DPP6: variants seen among roughly 807,000 people sequenced by gnomAD.
The protein encoded by DPP6 is dipeptidyl peptidase like 6, also known as A-type potassium channel modulatory protein DPP6.
DPP6 carries 69 observed loss-of-function variants against 122.6 expected under a neutral mutation model. That is an observed-to-expected ratio of 0.56 (90% confidence interval 0.46 to 0.69). The LOEUF (loss-of-function observed/expected upper bound fraction) is 0.69. Among genes scored for constraint, DPP6 ranks in the 30% least tolerant of loss-of-function variants. The pLI, the probability that DPP6 is intolerant of heterozygous loss-of-function variation, is 0.00. For synonymous variants in DPP6, 418 were observed against 433.1 expected (o/e 0.97, Z 0.43); for missense variants, 928 against 1,116.9 (o/e 0.83, Z 2.41).
At chr7:153,865,870 C>T in the DPP6 span, among the ~76,000 whole-genome samples, 76 of 147,836 alleles carry the variant, frequency 5.1e-4, no homozygotes, top group African/African-American at 1.8e-3. Context: ...TTCTCATTCT[C>T]CATTTCCCAC....
intron 1 of DPP6, among the ~76,000 whole-genome samples, chr7:154,107,471 A>G (rs1282758745): frequency 6.6e-6 from 1 of 152,192 alleles, no homozygotes; most frequent in Non-Finnish European, 1.5e-5. Context: ...TTCATTGGAC[A>G]GGAGGCATAA....
intron 16 of DPP6, among the ~76,000 whole-genome samples, chr7:154,825,655 C>A (rs1006220381): frequency 5.3e-5 from 8 of 152,196 alleles, no homozygotes; most frequent in African/African-American, 1.7e-4. Context: ...TTGCGCATGG[C>A]TAGTTAAGAG....
At chr7:153,769,693 C>T in the DPP6 span, among the ~76,000 whole-genome samples, 1 of 152,146 alleles carries the variant, frequency 6.6e-6, no homozygotes, top group Non-Finnish European at 1.5e-5. Flanking sequence ...TTACACCCAA[C>T]TTTAAAACAG....
At chr7:154,426,934 A>T (rs2151243647) in intron 1 of DPP6, among the ~76,000 whole-genome samples, 1 of 152,232 alleles carries the variant, frequency 6.6e-6, no homozygotes, top group South Asian at 2.1e-4. Flanking sequence ...GTTTAGAATA[A>T]TGTGTAAGAG....
intron 1 of DPP6, among the ~76,000 whole-genome samples, chr7:154,057,205 T>C (rs1800902312): frequency 6.6e-6 from 1 of 152,172 alleles, no homozygotes; most frequent in Non-Finnish European, 1.5e-5. Context: ...TGGCAGCAAC[T>C]GCCCAGCTAG....
chr7:154,603,470 C>A lies in DPP6; in HGVS notation c.628-34351C>A, dbSNP rs893783630. ...TCACCTGAGGTCAGGAGTTCGAGAC[C>A]AGCCTGGCCAATGTGGTGAAACCCC... is the stretch of plus-strand genomic sequence containing the variant. On this transcript the variant is annotated intron_variant, in intron 5 of 25. Transcript: ENST00000377770. Among the ~76,000 whole-genome samples the A allele has an allele frequency of 4.5e-4, 52 of 115,402 alleles. 20 individuals carry two copies. The highest frequency in any genetic ancestry group is 7.1e-4 in the Non-Finnish European group (37 of 52,066). The allele number at this position is 115,402 out of a possible 152,430, so 75.7% of individuals were successfully genotyped here.
intron 1 of DPP6, among the ~76,000 whole-genome samples, chr7:154,211,598 C>T (rs760481131): frequency 5.9e-5 from 9 of 152,112 alleles, no homozygotes; most frequent in South Asian, 2.1e-4. Context: ...GGAAGAAATG[C>T]GCATTTATGG....
intron 3 of DPP6, among the ~76,000 whole-genome samples, chr7:154,540,301 G>T (rs970140423): frequency 6.6e-6 from 1 of 152,096 alleles, no homozygotes; most frequent in East Asian, 1.9e-4. Flanking sequence ...AAAGGTTTTC[G>T]GTGTGTGCGC....
the DPP6 span, among the ~76,000 whole-genome samples, chr7:153,786,740 G>GAAAAAAAAAAAAAAAAA: frequency 3.1e-5 from 1 of 31,806 alleles, no homozygotes; most frequent in African/African-American, 1.0e-4. Context: ...CTCCGTCTCA[G>GAAAAAAAAAAAAAAAAA]AAAAAAAAAA....
chr7:154,037,223 G>A (rs1292717103), intron 1 of DPP6, among the ~76,000 whole-genome samples: 1 of 152,160 alleles, frequency 6.6e-6, no homozygotes, highest in Non-Finnish European at 1.5e-5. Context: ...AGCCAGCTTT[G>A]ACCCTGCGAG....
chr7:154,082,151 C>A (rs1306981055), intron 1 of DPP6, among the ~76,000 whole-genome samples: 1 of 152,064 alleles, frequency 6.6e-6, no homozygotes, highest in Non-Finnish European at 1.5e-5. Flanking sequence ...GGAGCCAGTC[C>A]CCCTAGAGAG....
intron 16 of DPP6, among the ~76,000 whole-genome samples, chr7:154,837,198 G>A (rs976872695): frequency 5.4e-5 from 8 of 148,884 alleles, no homozygotes; most frequent in East Asian, 2.0e-4. Flanking sequence ...CATGCATAAC[G>A]CACATTCACA....
At chr7:154,311,225 T>A (rs1390498327) in intron 1 of DPP6, among the ~76,000 whole-genome samples, 2 of 152,202 alleles carry the variant, frequency 1.3e-5, no homozygotes, top group Non-Finnish European at 2.9e-5. Context: ...GGGAGCCGCG[T>A]GCAGTGGCTC....
At chr7:154,567,435 C>T (rs1348455505) in intron 5 of DPP6, among the ~76,000 whole-genome samples, 2 of 152,186 alleles carry the variant, frequency 1.3e-5, no homozygotes, top group African/African-American at 2.4e-5. Flanking sequence ...TCTGTAAAAT[C>T]TCACTGTGTA....
chr7:154,888,736 C>T (rs1206810600), intron 23 of DPP6, among the ~76,000 whole-genome samples: 5 of 152,086 alleles, frequency 3.3e-5, no homozygotes, highest in South Asian at 4.2e-4. Flanking sequence ...TATATTAGTC[C>T]GTTTTCATGC....
At chr7:154,704,898 A>G (rs1207924817) in intron 7 of DPP6, among the ~76,000 whole-genome samples, 1 of 152,138 alleles carries the variant, frequency 6.6e-6, no homozygotes, top group Non-Finnish European at 1.5e-5. Context: ...ATGCCTGTAT[A>G]TGGCTTTCTG....
chr7:154,597,857 G>A (rs1171595016), intron 5 of DPP6, among the ~76,000 whole-genome samples: 1 of 152,088 alleles, frequency 6.6e-6, no homozygotes, highest in Non-Finnish European at 1.5e-5. Flanking sequence ...TGCATCTCCA[G>A]CCTCTGCCTT....
chr7:154,397,649 A>G (rs1815206323), intron 1 of DPP6, among the ~76,000 whole-genome samples: 1 of 152,248 alleles, frequency 6.6e-6, no homozygotes, highest in South Asian at 2.1e-4. Flanking sequence ...TGCTGTTAAC[A>G]CTTCATGCTG....
intron 1 of DPP6, among the ~76,000 whole-genome samples, chr7:154,293,801 G>GTATC (rs1805360210): frequency 6.6e-6 from 1 of 152,160 alleles, no homozygotes; most frequent in Admixed American, 6.5e-5. Context: ...CTATCTAAGT[G>GTATC]TATCACATGG....
Sources: gnomAD v4.1 joint callset for allele counts (sites outside exome capture counted in the v4.1 genomes callset) on GRCh38, gnomAD v4.1.1 for gene constraint, MANE v1.5 for transcripts, NCBI Gene and HGNC (gene_info 2026-07-23, HGNC 2026-07-21) for gene names.